Variants in PDF observed in about 807,000 individuals in gnomAD.
The protein encoded by PDF is peptide deformylase, mitochondrial.
A neutral mutation model predicts 20.3 loss-of-function variants in PDF; 31 were observed. The ratio of observed to expected loss-of-function variants is 1.52; its 90% CI spans 1.15 to 2.06. PDF has a LOEUF of 2.06. Among genes scored for constraint, PDF ranks in the 30% most tolerant of loss-of-function variants. The pLI, the probability that PDF is intolerant of heterozygous loss-of-function variation, is 0.00. For missense variants in PDF, 447 were observed against 362.5 expected, an observed-to-expected ratio of 1.23 and a Z score of -1.89; for synonymous variants, 254 against 172.0, an observed-to-expected ratio of 1.48 and a Z score of -3.73.
Position 69,330,282 on chromosome 16 carries a change from G to T in PDF, c.289C>A (p.Gln97Lys). The T allele has an allele frequency of 7.0e-7, 1 of 1,433,066 alleles. No individual in the cohort carries two copies. The highest frequency in any genetic ancestry group is 9.1e-7 in the Non-Finnish European group (1 of 1,102,446). The allele number at this position is 1,433,066 out of a possible 1,614,324, so 88.8% of individuals were successfully genotyped here. The change falls in exon 1 of 2, where the codon CAA becomes AAA. Residue 97 changes from glutamine to lysine, a missense_variant. Gln to Lys is a moderately conservative substitution (Grantham distance 53, BLOSUM62 1). Transcript: ENST00000288022. ...CGCCGCATCACCTGGACCAGCCGTT[G>T]CGTCAGCCGCTGCAGCTCGGGCCCG... ...LGGPELQRLT[Q>K]RLVQVMRRRR... is the part of the protein sequence containing the mutation.
At position 69,330,165 on chromosome 16, in the gene PDF, G is replaced by T; in HGVS notation, c.406C>A (p.Pro136Thr). Residue 136 changes from proline (P) to threonine (T), a missense_variant, in exon 1 of 2, where the codon CCG becomes ACG. Pro to Thr is a conservative substitution (Grantham distance 38, BLOSUM62 -1). Transcript: ENST00000288022. Reference sequence around the variant, plus strand: ...TGGCGGAGCGCGCGCTGGCGGGGCGGGCACTCCCGACACAGCGCCTCGGGG... The same window carrying T: ...TGGCGGAGCGCGCGCTGGCGGGGCGTGCACTCCCGACACAGCGCCTCGGGG... ...ELPEALCREC[P>T]PRQRALRQME... is the part of the protein sequence containing the mutation. 1.3e-6 allele frequency: 2 copies of T among 1,532,440 alleles called. No individual in the cohort carries two copies. Among genetic ancestry groups the T allele is most frequent in the Non-Finnish European group, 1.7e-6 (2 of 1,144,424 alleles). The allele number at this position is 1,532,440 out of a possible 1,614,324, so 94.9% of individuals were successfully genotyped here.
rs1345391567 is a variant in PDF, at chr16:69,330,310, T to C, written c.261A>G (p.Leu87=). The C allele has an allele frequency of 7.0e-7, 1 of 1,438,450 alleles. No individual in the cohort carries two copies. Among genetic ancestry groups the C allele is most frequent in the Admixed American group, 2.9e-5 (1 of 34,806 alleles). The allele number at this position is 1,438,450 out of a possible 1,614,324, so 89.1% of individuals were successfully genotyped here. Residue 87 remains leucine, a synonymous_variant, in exon 1 of 2, where the codon CTA becomes CTG. Transcript: ENST00000288022. ...GVAAPVERAQ[L]GGPELQRLTQ... ...TCAGCCGCTGCAGCTCGGGCCCGCCTAGCTGCGCCCGCTCCACCGGGGCCG... is the reference window on the plus strand; with the variant it reads ...TCAGCCGCTGCAGCTCGGGCCCGCCCAGCTGCGCCCGCTCCACCGGGGCCG...
chr16:69,328,550 T>C lies in PDF; in HGVS notation c.*472A>G, dbSNP rs1299385643. On this transcript the variant is annotated 3_prime_UTR_variant, in exon 2 of 2. Transcript: ENST00000288022. ...ACATCCTTGAACAGGGACTATTCTC[T>C]TTCATTTCCATAAGCAAACTGGCGT... 3.4e-5 allele frequency: 6 copies of C among 175,726 alleles called. No homozygotes were observed. The highest frequency in any genetic ancestry group is 7.2e-5 in the Non-Finnish European group (6 of 83,740). The allele number at this position is 175,726 out of a possible 1,614,324, so 10.9% of individuals were successfully genotyped here. A position where few individuals can be genotyped will look rare whatever the true frequency, so the allele number is the denominator to read the frequency against.
At position 69,327,767 on chromosome 16, in the gene PDF, T is replaced by A. The variant is rs1294154344; in HGVS notation, c.*1255A>T. On this transcript the variant is annotated 3_prime_UTR_variant, in exon 2 of 2. Coordinates refer to ENST00000288022, the MANE Select transcript of PDF (RefSeq NM_022341.2). Reference sequence around the variant, plus strand: ...TGTGGCTCACAACTGATCCCAGCACTTTGGGAGGCCGAGGCAGGAGGATTG... The same window carrying A: ...TGTGGCTCACAACTGATCCCAGCACATTGGGAGGCCGAGGCAGGAGGATTG... 1 of 151,972 alleles carries A rather than the reference T, an allele frequency of 6.6e-6. No homozygotes were observed. Among genetic ancestry groups the A allele is most frequent in the Non-Finnish European group, 1.5e-5 (1 of 68,006 alleles). 9.4% of individuals were successfully genotyped at this position (151,972 alleles called of 1,614,324 possible).
rs1024055252 is a variant in PDF at position 69,327,053 on chromosome 16, G to A, written c.*1969C>T. On this transcript the variant is annotated 3_prime_UTR_variant, in exon 2 of 2. Coordinates refer to ENST00000288022, the MANE Select transcript of PDF (RefSeq NM_022341.2). Reference sequence around the variant, plus strand: ...TGTCCAAATGAAAGGAGGCTCAGCTGAATTCTAATTTTCCTAAAGACCCAT... The same window carrying A: ...TGTCCAAATGAAAGGAGGCTCAGCTAAATTCTAATTTTCCTAAAGACCCAT... 1.3e-5 allele frequency: 2 copies of A among 151,098 alleles called. No individual in the cohort carries two copies. The highest frequency in any genetic ancestry group is 2.4e-5 in the African/African-American group (1 of 41,160). The allele number at this position is 151,098 out of a possible 1,614,324, so 9.4% of individuals were successfully genotyped here. A position where few individuals can be genotyped will look rare whatever the true frequency, so the allele number is the denominator to read the frequency against.
rs1383584560 is a variant in PDF at position 69,327,823 on chromosome 16, G to T, written c.*1199C>A. The T allele has an allele frequency of 6.6e-6, 1 of 151,460 alleles. No individual in the cohort carries two copies. Among genetic ancestry groups the T allele is most frequent in the Non-Finnish European group, 1.5e-5 (1 of 67,982 alleles). The allele number at this position is 151,460 out of a possible 1,614,324, so 9.4% of individuals were successfully genotyped here. ...GACCAGGAATTTGAGGCCAGCCTGG[G>T]CAACATAGTAAGACCCCCGTCTCTA... On this transcript the variant is annotated 3_prime_UTR_variant, in exon 2 of 2. Transcript: ENST00000288022.
Position 69,330,558 on chromosome 16 carries a change from A to C in PDF, c.13T>G (p.Trp5Gly), listed in dbSNP as rs1159435954. The change falls in exon 1 of 2, where the codon TGG becomes GGG. Residue 5 changes from tryptophan (W) to glycine (G), a missense_variant. Transcript: ENST00000288022. ...AGTGGCCAAAGACTCAGCGCGCCCC[A>C]CAGCCGGGCCATGGCGGCCCCCTTA... MARL[W>G]GALSLWPLWA... 1 of 1,466,942 alleles carries C rather than the reference A, an allele frequency of 6.8e-7. No homozygotes were observed. Among genetic ancestry groups the C allele is most frequent in the Non-Finnish European group, 8.9e-7 (1 of 1,119,234 alleles). The allele number at this position is 1,466,942 out of a possible 1,614,324, so 90.9% of individuals were successfully genotyped here. A position where few individuals can be genotyped will look rare whatever the true frequency, so the allele number is the denominator to read the frequency against.
At position 69,328,526 on chromosome 16, in the gene PDF, C is replaced by T. The variant is rs111425280; in HGVS notation, c.*496G>A. On this transcript the variant is annotated 3_prime_UTR_variant, in exon 2 of 2. Coordinates refer to ENST00000288022, the MANE Select transcript of PDF (RefSeq NM_022341.2). ...TTTACACTCGTGCTGTCATGAAACA[C>T]ATCCTTGAACAGGGACTATTCTCTT... is the stretch of plus-strand genomic sequence containing the variant. The T allele has an allele frequency of 1.8e-3, 301 of 163,342 alleles. 1 individual carries two copies. The highest frequency in any genetic ancestry group is 3.1e-3 in the Non-Finnish European group (235 of 75,642). 10.1% of individuals were successfully genotyped at this position (163,342 alleles called of 1,614,324 possible).
In PDF at chr16:69,328,371, TTC is replaced by T. The variant is rs1336188255; in HGVS notation, c.*649_*650del. On this transcript the variant is annotated 3_prime_UTR_variant, in exon 2 of 2. Transcript: ENST00000288022. ...GTTAACAGGAAAGGGCTCAGTGCAC[TTC>T]TCAATTGTCACCCCTGCCCCCAGCC... 1 of 152,356 alleles carries T rather than the reference TTC, an allele frequency of 6.6e-6. No homozygotes were observed. The highest frequency in any genetic ancestry group is 1.5e-5 in the Non-Finnish European group (1 of 68,158). The allele number at this position is 152,356 out of a possible 1,614,324, so 9.4% of individuals were successfully genotyped here. A position where few individuals can be genotyped will look rare whatever the true frequency, so the allele number is the denominator to read the frequency against.
chr16:69,330,122 A>T lies in PDF; in HGVS notation c.449T>A (p.Leu150Gln). The T allele has an allele frequency of 6.3e-7, 1 of 1,582,450 alleles. No individual in the cohort carries two copies. Among genetic ancestry groups the T allele is most frequent in the African/African-American group, 1.4e-5 (1 of 72,194 alleles). Residue 150 changes from leucine to glutamine, a missense_variant, in exon 1 of 2, where the codon CTG (leucine) becomes CAG (glutamine). Coordinates refer to ENST00000288022, the MANE Select transcript of PDF (RefSeq NM_022341.2). Reference sequence around the variant, plus strand: ...CAGGCTGGGGTTCACGAACACGCGCAGGGGGAAGGGCTCCATTTGGCGGAG... The same window carrying T: ...CAGGCTGGGGTTCACGAACACGCGCTGGGGGAAGGGCTCCATTTGGCGGAG... The part of the protein sequence containing the change: ...RALRQMEPFP[L>Q]RVFVNPSLRV...
rs780409512 is a variant in PDF, at chr16:69,328,998, ATCC to A, written c.*21_*23del. On this transcript the variant is annotated 3_prime_UTR_variant, in exon 2 of 2. Coordinates refer to ENST00000288022, the MANE Select transcript of PDF (RefSeq NM_022341.2). Reference sequence around the variant, plus strand: ...AAGTGTTTGCGTCTTGGTATCCGGAATCCTCAGCCCCAGTAGCAAAGCTTTAGT... The same window carrying A: ...AAGTGTTTGCGTCTTGGTATCCGGAATCAGCCCCAGTAGCAAAGCTTTAGT... 2.5e-6 allele frequency: 4 copies of A among 1,592,210 alleles called. No homozygotes were observed. The highest frequency in any genetic ancestry group is 2.6e-6 in the Non-Finnish European group (3 of 1,173,662).
chr16:69,330,545 C>T lies in PDF; in HGVS notation c.26G>A (p.Ser9Asn), dbSNP rs1457713929. Residue 9 changes from serine (S) to asparagine (N), a missense_variant, in exon 1 of 2, where the codon AGT becomes AAT. Ser to Asn is a conservative substitution (Grantham distance 46, BLOSUM62 1). Coordinates refer to ENST00000288022, the MANE Select transcript of PDF (RefSeq NM_022341.2). Reference protein sequence around the residue: MARLWGALSLWPLWAAVPW... With the variant: MARLWGALNLWPLWAAVPW... Reference sequence around the variant, plus strand: ...CACGGCCGCCCACAGTGGCCAAAGACTCAGCGCGCCCCACAGCCGGGCCAT... The same window carrying T: ...CACGGCCGCCCACAGTGGCCAAAGATTCAGCGCGCCCCACAGCCGGGCCAT... The T allele has an allele frequency of 1.4e-6, 2 of 1,476,112 alleles. No homozygotes were observed. The highest frequency in any genetic ancestry group is 2.4e-4 in the Middle Eastern group (1 of 4,192). 91.4% of individuals were successfully genotyped at this position (1,476,112 alleles called of 1,614,324 possible).
chr16:69,330,093 C>G lies in PDF; in HGVS notation c.478G>C (p.Val160Leu), dbSNP rs1166808825. 1.3e-6 allele frequency: 2 copies of G among 1,579,114 alleles called. No homozygotes were observed. Among genetic ancestry groups the G allele is most frequent in the African/African-American group, 2.8e-5 (2 of 72,532 alleles). The change falls in exon 1 of 2, where the codon GTG (valine) becomes CTG (leucine). Residue 160 changes from valine (V) to leucine (L), a missense_variant. Transcript: ENST00000288022. ...LRVFVNPSLRVLDSRLVTFPE... is the reference protein window; with the variant it reads ...LRVFVNPSLRLLDSRLVTFPE... ...AAGGTGACCAGGCGGCTGTCAAGCACTCGCAGGCTGGGGTTCACGAACACG... is the reference window on the plus strand; with the variant it reads ...AAGGTGACCAGGCGGCTGTCAAGCAGTCGCAGGCTGGGGTTCACGAACACG...
chr16:69,329,285 AACAGCAGATGGCAAATGTAG>A, intron 1 of PDF, 106 bp from the exon 2 acceptor site: 2 of 1,221,194 alleles, frequency 1.6e-6, no homozygotes, highest in Non-Finnish European at 2.2e-6. Flanking sequence ...GACAAGAGGC[AACAGCAGATGGCAAATGTAG>A]ACAGCAGCTC....
intron 1 of PDF, 71 bp downstream of exon 1, chr16:69,329,926 T>C (rs1054032459): frequency 2.1e-6 from 3 of 1,446,404 alleles, no homozygotes; most frequent in Admixed American, 2.6e-5. Flanking sequence ...CGACCACTTC[T>C]GCGCTCTCGC....
In PDF at chr16:69,330,443, G is replaced by A. The variant is rs1567429335; in HGVS notation, c.128C>T (p.Ala43Val). Residue 43 changes from alanine (A) to valine (V), a missense_variant, in exon 1 of 2, where the codon GCG (alanine) becomes GTG (valine). By Grantham distance (64) the Ala-to-Val change is moderately conservative (BLOSUM62 0). Transcript: ENST00000288022. ...TAAPDGVEGP[A>V]LRRSYWRHLR... ...GTGGCGCCAATAGGAGCGCCGCAGC[G>A]CCGGGCCCTCGACGCCGTCCGGGGC... is the stretch of plus-strand genomic sequence containing the variant. 2.0e-6 allele frequency: 3 copies of A among 1,474,086 alleles called. No individual in the cohort carries two copies. The highest frequency in any genetic ancestry group is 8.9e-7 in the Non-Finnish European group (1 of 1,120,890). The allele number at this position is 1,474,086 out of a possible 1,614,324, so 91.3% of individuals were successfully genotyped here. A position where few individuals can be genotyped will look rare whatever the true frequency, so the allele number is the denominator to read the frequency against.
At position 69,328,967 on chromosome 16, in the gene PDF, A is replaced by G; in HGVS notation, c.*55T>C. ...TGCCAAGTAAGATTTGCCCAGCTCA[A>G]AGTGAAAGTGTTTGCGTCTTGGTAT... On this transcript the variant is annotated 3_prime_UTR_variant, in exon 2 of 2. Coordinates refer to ENST00000288022, the MANE Select transcript of PDF (RefSeq NM_022341.2). 1 of 1,572,250 alleles carries G rather than the reference A, an allele frequency of 6.4e-7. No individual in the cohort carries two copies. The highest frequency in any genetic ancestry group is 8.6e-7 in the Non-Finnish European group (1 of 1,168,400).
intron 1 of PDF, among the ~76,000 whole-genome samples, chr16:69,329,507 C>G (rs1965714590): frequency 6.6e-6 from 1 of 152,244 alleles, no homozygotes; most frequent in South Asian, 2.1e-4. Context: ...AACAGAGGTT[C>G]TGCAGCTTGA....
intron 1 of PDF, among the ~76,000 whole-genome samples, 182 bp from the exon 2 acceptor site, chr16:69,329,361 G>A (rs762256647): frequency 1.3e-5 from 2 of 152,176 alleles, no homozygotes; most frequent in African/African-American, 4.8e-5. Context: ...ATTACCAAGC[G>A]TTCAACCTGG....
Sources: gnomAD v4.1 joint callset for allele counts (sites outside exome capture counted in the v4.1 genomes callset) on GRCh38, gnomAD v4.1.1 for gene constraint, MANE v1.5 for transcripts, NCBI Gene and HGNC (gene_info 2026-07-23, HGNC 2026-07-21) for gene names.